Variants in GMDS observed in about 807,000 individuals in gnomAD.
The protein encoded by GMDS is GDP-mannose 4,6 dehydratase.
Under a neutral mutation model 49.9 loss-of-function variants are expected in GMDS, and 20 were observed. The ratio of observed to expected loss-of-function variants is 0.40; its 90% confidence interval spans 0.28 to 0.58. GMDS has a LOEUF of 0.58. Ranked by LOEUF, GMDS falls within the 20% of genes least tolerant of loss-of-function variation. The pLI, the probability that GMDS is intolerant of heterozygous loss-of-function variation, is 0.42. For synonymous variants in GMDS, 177 were observed against 178.6 expected (o/e 0.99, Z 0.07); for missense variants, 362 against 481.4 (o/e 0.75, Z 2.32).
chr6:2,184,297 G>T (rs1015967669), intron 1 of GMDS, among the ~76,000 whole-genome samples: 5 of 152,106 alleles, frequency 3.3e-5, no homozygotes, highest in African/African-American at 1.2e-4. Context: ...AACCACACGT[G>T]AGACACCACT....
At chr6:2,157,628 G>T (rs1034697710) in intron 1 of GMDS, among the ~76,000 whole-genome samples, 1 of 152,170 alleles carries the variant, frequency 6.6e-6, no homozygotes, top group Non-Finnish European at 1.5e-5. Context: ...GAAATCTATA[G>T]GGGAGAGATT....
intron 4 of GMDS, among the ~76,000 whole-genome samples, chr6:2,022,592 A>C (rs1211967032): frequency 1.6e-4 from 25 of 152,178 alleles, no homozygotes; most frequent in Non-Finnish European, 1.0e-4. Flanking sequence ...AAAAAGCACC[A>C]CCACATTTAA....
chr6:2,209,570 T>TACACACACACAC (rs61216869), intron 1 of GMDS, among the ~76,000 whole-genome samples: 83 of 135,898 alleles, frequency 6.1e-4, no homozygotes, highest in Middle Eastern at 3.6e-3. Flanking sequence ...CACATACACA[T>TACACACACACAC]ACACACACAC....
At chr6:1,783,012 G>A (rs761381035) in intron 7 of GMDS, among the ~76,000 whole-genome samples, 3 of 151,902 alleles carry the variant, frequency 2.0e-5, no homozygotes, top group South Asian at 2.1e-4. Context: ...TAAAATAGTC[G>A]GGCATGTTAG....
intron 9 of GMDS, among the ~76,000 whole-genome samples, chr6:1,668,122 T>A (rs890799723): frequency 6.6e-6 from 1 of 152,238 alleles, no homozygotes; most frequent in Non-Finnish European, 1.5e-5. Context: ...TAAATAAATA[T>A]ACCTCAGTGT....
At chr6:1,941,515 G>A (rs1274594655) in intron 6 of GMDS, among the ~76,000 whole-genome samples, 2 of 152,132 alleles carry the variant, frequency 1.3e-5, no homozygotes, top group African/African-American at 4.8e-5. Context: ...ACCTTGATGG[G>A]AGAGCTTCTG....
chr6:2,137,396 C>T (rs1424529408), intron 1 of GMDS, among the ~76,000 whole-genome samples: 2 of 149,854 alleles, frequency 1.3e-5, no homozygotes, highest in African/African-American at 2.5e-5. Context: ...TGCAATGGCA[C>T]GATCTTGGCT....
At chr6:1,886,402 C>T (rs1759609099) in intron 7 of GMDS, among the ~76,000 whole-genome samples, 1 of 152,018 alleles carries the variant, frequency 6.6e-6, no homozygotes, top group African/African-American at 2.4e-5. Context: ...AAATTAGAGA[C>T]CCAGTTGTTG....
At chr6:1,705,815 G>C (rs1765715491) in intron 9 of GMDS, among the ~76,000 whole-genome samples, 1 of 152,160 alleles carries the variant, frequency 6.6e-6, no homozygotes, top group Admixed American at 6.5e-5. Flanking sequence ...GGAGAGTTTG[G>C]GAACTGGGGA....
At chr6:1,915,455 C>G (rs1025411481) in intron 7 of GMDS, among the ~76,000 whole-genome samples, 2 of 152,226 alleles carry the variant, frequency 1.3e-5, no homozygotes, top group Admixed American at 6.5e-5. Flanking sequence ...CAGCCCAGGG[C>G]CGGCACGGTG....
intron 9 of GMDS, among the ~76,000 whole-genome samples, chr6:1,677,877 A>G (rs1172612047): frequency 6.6e-6 from 1 of 152,018 alleles, no homozygotes; most frequent in East Asian, 1.9e-4. Context: ...ACACACCAAC[A>G]TGGCACATGT....
At chr6:1,891,174 C>T (rs1008025623) in intron 7 of GMDS, among the ~76,000 whole-genome samples, 2 of 152,172 alleles carry the variant, frequency 1.3e-5, no homozygotes, top group South Asian at 2.1e-4. Context: ...AGTCAAACCA[C>T]GTGGTTTCCA....
intron 1 of GMDS, among the ~76,000 whole-genome samples, chr6:2,235,777 A>T (rs1009393601): frequency 1.3e-5 from 2 of 151,538 alleles, no homozygotes; most frequent in African/African-American, 4.9e-5. Flanking sequence ...GCACTGCTGC[A>T]CTCCAGCCTG....
intron 4 of GMDS, among the ~76,000 whole-genome samples, chr6:2,070,274 G>T (rs1365863550): frequency 9.7e-5 from 12 of 123,902 alleles, no homozygotes; most frequent in African/African-American, 3.6e-4. Flanking sequence ...GTTGTGGGGT[G>T]GGGGGAGGGG....
intron 4 of GMDS, among the ~76,000 whole-genome samples, chr6:2,114,321 T>C (rs1194480658): frequency 2.0e-5 from 3 of 152,132 alleles, no homozygotes; most frequent in Non-Finnish European, 4.4e-5. Context: ...TCATGGCTGG[T>C]CAGGAAGGTC....
intron 7 of GMDS, among the ~76,000 whole-genome samples, chr6:1,753,063 T>A (rs560248429): frequency 6.6e-6 from 1 of 152,316 alleles, no homozygotes; most frequent in Admixed American, 6.5e-5. Flanking sequence ...ATGGGCTTAA[T>A]GCCCCAATTA....
chr6:1,918,198 C>G (rs934460315), intron 7 of GMDS, among the ~76,000 whole-genome samples: 1 of 151,910 alleles, frequency 6.6e-6, no homozygotes, highest in African/African-American at 2.4e-5. Context: ...AATAATAGAG[C>G]CCTCCTTGGA....
chr6:1,861,156 C>G (rs1358616946), intron 7 of GMDS, among the ~76,000 whole-genome samples: 1 of 152,104 alleles, frequency 6.6e-6, no homozygotes, highest in East Asian at 1.9e-4. Flanking sequence ...TAGAAATCAC[C>G]TGGAGGGTGA....
intron 4 of GMDS, among the ~76,000 whole-genome samples, chr6:2,059,482 G>A (rs997344557): frequency 1.3e-5 from 2 of 150,650 alleles, no homozygotes; most frequent in East Asian, 2.0e-4. Context: ...GCCGAGGCGG[G>A]TGGATCACGA....
Sources: allele counts gnomAD v4.1 joint callset (sites outside exome capture counted in the v4.1 genomes callset), GRCh38; gene constraint gnomAD v4.1.1; transcripts MANE v1.5; gene names NCBI Gene and HGNC (gene_info 2026-07-23, HGNC 2026-07-21).